Variants in SIPA1L3 observed in about 807,000 individuals in gnomAD.
SIPA1L3 encodes signal induced proliferation associated 1 like 3.
A neutral mutation model predicts 150.1 loss-of-function variants in SIPA1L3; 59 were observed. That is an observed-to-expected ratio of 0.39 (90% CI 0.32 to 0.49). SIPA1L3 has a LOEUF of 0.49. SIPA1L3 is among the 20% of genes least tolerant of loss of function. The pLI, the probability that SIPA1L3 is intolerant of heterozygous loss-of-function variation, is 0.86. For missense variants in SIPA1L3, 2,211 were observed against 2,489.5 expected, an observed-to-expected ratio of 0.89 and a Z score of 2.38; for synonymous variants, 1,070 against 1,077.6, an observed-to-expected ratio of 0.99 and a Z score of 0.14.
intron 1 of SIPA1L3, among the ~76,000 whole-genome samples, chr19:37,939,111 A>G (rs1308697147): frequency 1.3e-5 from 2 of 152,176 alleles, no homozygotes; most frequent in East Asian, 3.9e-4. Context: ...TCCAGCTCAC[A>G]GTGATCCACT....
chr19:37,938,903 G>C (rs11672673), intron 1 of SIPA1L3, among the ~76,000 whole-genome samples: 22,724 of 152,110 alleles, frequency 0.15, 1,928 homozygotes, highest in Middle Eastern at 0.28. Flanking sequence ...GATTACAGGC[G>C]TGAGCCACAG....
rs1971580714 is a variant in SIPA1L3 at position 38,141,438 on chromosome 19, A to G, written c.3395+3A>G. ...TCCCAGCCACTGCACAGCAAGAGGT[A>G]AGCACCTGCTGGGGGGACCAATACT... On this transcript the variant is annotated splice_donor_region_variant and intron_variant, in intron 11 of 21. Transcript: ENST00000222345. 1 of 1,605,700 alleles carries G rather than the reference A, an allele frequency of 6.2e-7. No homozygotes were observed. Among genetic ancestry groups the G allele is most frequent in the African/African-American group, 1.3e-5 (1 of 74,880 alleles).
intron 1 of SIPA1L3, among the ~76,000 whole-genome samples, chr19:37,968,599 A>G (rs906519985): frequency 6.6e-6 from 1 of 152,232 alleles, no homozygotes; most frequent in African/African-American, 2.4e-5. Context: ...AGATAACATG[A>G]TGGAAGTCCA....
intron 4 of SIPA1L3, among the ~76,000 whole-genome samples, chr19:38,093,387 C>T (rs1970304848): frequency 6.6e-6 from 1 of 152,174 alleles, no homozygotes; most frequent in African/African-American, 2.4e-5. Context: ...ACCTTGGGCA[C>T]ATGGCTCCTT....
At chr19:37,973,553 A>AGG (rs1568484946) in intron 1 of SIPA1L3, among the ~76,000 whole-genome samples, 15 of 80,368 alleles carry the variant, frequency 1.9e-4, no homozygotes, top group East Asian at 2.1e-3. Flanking sequence ...AAAAAAAAAA[A>AGG]AGCGGGAGGG....
intron 1 of SIPA1L3, among the ~76,000 whole-genome samples, chr19:37,984,505 C>T (rs964482331): frequency 4.6e-5 from 7 of 152,000 alleles, no homozygotes; most frequent in African/African-American, 1.2e-4. Flanking sequence ...TGTGAGGCTG[C>T]GAAACATTAA....
chr19:37,969,378 C>G (rs2046933390), intron 1 of SIPA1L3, among the ~76,000 whole-genome samples: 2 of 152,142 alleles, frequency 1.3e-5, no homozygotes, highest in African/African-American at 4.8e-5. Flanking sequence ...TTGGTGAAAC[C>G]CTGTTTCTAC....
rs564099613 is a variant in SIPA1L3 at position 38,088,885 on chromosome 19, A to T, written c.1665+34A>T. 28 of 1,606,234 alleles carry T rather than the reference A, an allele frequency of 1.7e-5. No individual in the cohort carries two copies. In the South Asian group the frequency reaches 2.8e-4, roughly 16 times the overall value. ...CATCACTCTCGTTCTTATTAAAGAA[A>T]TCATAGCCACTCACATCTCGAGCCA... On this transcript the variant is annotated intron_variant, in intron 4 of 21. Transcript: ENST00000222345.
intron 2 of SIPA1L3, among the ~76,000 whole-genome samples, chr19:38,036,023 C>A (rs1968774213): frequency 6.6e-6 from 1 of 152,306 alleles, no homozygotes; most frequent in East Asian, 1.9e-4. Context: ...TTTCATGGGC[C>A]AAGTTGGGAG....
At chr19:38,190,328 G>C (rs1046802588) in intron 16 of SIPA1L3, among the ~76,000 whole-genome samples, 4 of 152,132 alleles carry the variant, frequency 2.6e-5, no homozygotes, top group African/African-American at 9.7e-5. Flanking sequence ...AGGGGTGGGG[G>C]AGTCCCCTTT....
intron 2 of SIPA1L3, among the ~76,000 whole-genome samples, chr19:38,049,163 G>C (rs982897297): frequency 3.9e-5 from 6 of 152,116 alleles, no homozygotes; most frequent in Admixed American, 2.0e-4. Context: ...GAAAAAAAAT[G>C]GGTGTCTCCT....
At chr19:38,041,109 C>CTTTTTTT (rs11419928) in intron 2 of SIPA1L3, among the ~76,000 whole-genome samples, 1 of 130,070 alleles carries the variant, frequency 7.7e-6, no homozygotes, top group Non-Finnish European at 1.6e-5. Context: ...ATTATTATTA[C>CTTTTTTT]TTTTTTTTTT....
At chr19:37,941,985 A>T (rs1418100797) in intron 1 of SIPA1L3, among the ~76,000 whole-genome samples, 2 of 152,186 alleles carry the variant, frequency 1.3e-5, no homozygotes, top group Non-Finnish European at 2.9e-5. Context: ...GGGATCAGTT[A>T]TTCATTATAT....
chr19:38,190,345 G>A (rs1431031350), intron 16 of SIPA1L3, among the ~76,000 whole-genome samples: 1 of 152,154 alleles, frequency 6.6e-6, no homozygotes, highest in Admixed American at 6.5e-5. Context: ...CTTTTGATTT[G>A]TGTCTGTCTC....
chr19:38,117,849 A>C (rs1230508503), intron 8 of SIPA1L3, among the ~76,000 whole-genome samples: 1 of 151,460 alleles, frequency 6.6e-6, no homozygotes, highest in African/African-American at 2.4e-5. Context: ...GCAGTGGCAC[A>C]TTCTTGGCTC....
At chr19:38,102,305 A>T (rs539319067) in intron 6 of SIPA1L3, among the ~76,000 whole-genome samples, 1 of 150,804 alleles carries the variant, frequency 6.6e-6, no homozygotes, top group African/African-American at 2.4e-5. Flanking sequence ...TCGGCCTCCC[A>T]AAGTGCTGAG....
At chr19:38,102,471 A>G (rs1208462993) in intron 6 of SIPA1L3, among the ~76,000 whole-genome samples, 2 of 151,954 alleles carry the variant, frequency 1.3e-5, no homozygotes, top group East Asian at 1.9e-4. Context: ...ACACCTGGCA[A>G]AAAGGTCCAG....
intron 2 of SIPA1L3, among the ~76,000 whole-genome samples, chr19:38,061,999 T>C (rs1326425969): frequency 6.6e-6 from 1 of 151,806 alleles, no homozygotes; most frequent in African/African-American, 2.4e-5. Flanking sequence ...GGGTGTTGGA[T>C]TGCTGCTCCC....
In SIPA1L3 at chr19:38,030,277, A is replaced by G. The variant is rs184415751; in HGVS notation, c.-311+1121A>G. Reference sequence around the variant, plus strand: ...ACTGGTTTCTCTGTTGGTTAAAAATATGAGCCAGGTGTGGTGGCTCACACC... The same window carrying G: ...ACTGGTTTCTCTGTTGGTTAAAAATGTGAGCCAGGTGTGGTGGCTCACACC... On this transcript the variant is annotated intron_variant, in intron 2 of 21. Transcript: ENST00000222345. Among the ~76,000 whole-genome samples, 9 of 152,270 alleles carry G rather than the reference A, an allele frequency of 5.9e-5. No individual in the cohort carries two copies. In the South Asian group the frequency reaches 8.3e-4, roughly 14 times the overall value.
Sources: gnomAD v4.1 joint callset for allele counts (sites outside exome capture counted in the v4.1 genomes callset) on GRCh38, gnomAD v4.1.1 for gene constraint, MANE v1.5 for transcripts, NCBI Gene and HGNC (gene_info 2026-07-23, HGNC 2026-07-21) for gene names.